MRTFA: variants seen among roughly 807,000 people sequenced by gnomAD.
MRTFA encodes the protein myocardin-related transcription factor A.
MRTFA carries 20 observed loss-of-function variants against 83.5 expected under a neutral mutation model. That is an observed-to-expected ratio of 0.24 (90% confidence interval 0.17 to 0.35). The LOEUF is 0.35. MRTFA is among the 10% of genes least tolerant of loss of function. The pLI is 1.00. For synonymous variants in MRTFA, 659 were observed against 541.2 expected (o/e 1.22, Z -3.02); for missense variants, 1,200 against 1,224.7 (o/e 0.98, Z 0.30).
At chr22:40,578,688 G>A (rs2055904354) in intron 2 of MRTFA, among the ~76,000 whole-genome samples, 1 of 152,150 alleles carries the variant, frequency 6.6e-6, no homozygotes. Flanking sequence ...TTGGGAGGCT[G>A]AGGCAAACGG....
intron 3 of MRTFA, among the ~76,000 whole-genome samples, chr22:40,488,732 C>G (rs1035753330): frequency 1.3e-5 from 2 of 152,114 alleles, no homozygotes; most frequent in Non-Finnish European, 2.9e-5. Context: ...ACTCAGGAAG[C>G]TGAGGCAGGA....
intron 3 of MRTFA, among the ~76,000 whole-genome samples, chr22:40,472,713 G>A (rs1435357860): frequency 6.6e-6 from 1 of 152,088 alleles, no homozygotes; most frequent in Non-Finnish European, 1.5e-5. Flanking sequence ...ACAGACCAGG[G>A]ATATCCACTG....
At chr22:40,482,220 G>C (rs2054103923) in intron 3 of MRTFA, among the ~76,000 whole-genome samples, 1 of 152,138 alleles carries the variant, frequency 6.6e-6, no homozygotes, top group Non-Finnish European at 1.5e-5. Context: ...GTAACAGGTA[G>C]AGCCAGAGTT....
chr22:40,460,264 A>C (rs1451664844), intron 4 of MRTFA, among the ~76,000 whole-genome samples: 2 of 152,176 alleles, frequency 1.3e-5, no homozygotes, highest in African/African-American at 4.8e-5. Context: ...AGAAATGCTA[A>C]GTAAGGAGAC....
chr22:40,574,766 T>A (rs1263576527), intron 2 of MRTFA, among the ~76,000 whole-genome samples: 1 of 152,134 alleles, frequency 6.6e-6, no homozygotes, highest in Non-Finnish European at 1.5e-5. Flanking sequence ...CTAGAGATGA[T>A]GTGAAGTATA....
chr22:40,447,236 G>A (rs561820624), intron 4 of MRTFA, among the ~76,000 whole-genome samples: 26 of 151,860 alleles, frequency 1.7e-4, no homozygotes, highest in African/African-American at 5.6e-4. Flanking sequence ...CCTGTAGTCC[G>A]ATCTATTTGG....
chr22:40,571,007 T>C lies in MRTFA; in HGVS notation c.-21-18640A>G, dbSNP rs538601755. On this transcript the variant is annotated intron_variant, in intron 2 of 14. Transcript: ENST00000355630. ...GAGTTTGAAACCAGCCTGGGCAACA[T>C]AGTGAATCCCTGTCTCTACAAAAAA... is the stretch of plus-strand genomic sequence containing the variant. Among the ~76,000 whole-genome samples the C allele has an allele frequency of 1.1e-3, 112 of 105,376 alleles. 1 individual carries two copies. Among genetic ancestry groups the C allele is most frequent in the Admixed American group, 7.3e-3 (51 of 6,946 alleles). The allele number at this position is 105,376 out of a possible 152,430, so 69.1% of individuals were successfully genotyped here.
In MRTFA at chr22:40,411,034, G is replaced by A. The variant is rs1427659749; in HGVS notation, c.*356C>T. 7.8e-6 allele frequency: 2 copies of A among 257,234 alleles called. No homozygotes were observed. The highest frequency in any genetic ancestry group is 2.2e-5 in the African/African-American group (1 of 46,184). 15.9% of individuals were successfully genotyped at this position (257,234 alleles called of 1,614,324 possible). On this transcript the variant is annotated 3_prime_UTR_variant, in exon 15 of 15. Transcript: ENST00000355630. The stretch of plus-strand genomic sequence containing the variant: ...AACCTGTCTCAGCCCTGGGTCAGAA[G>A]AGAAGCCTCCCGCCTGGCCAGGCTT...
chr22:40,570,027 G>A (rs1318438226), intron 2 of MRTFA: 5 of 152,592 alleles, frequency 3.3e-5, no homozygotes, highest in Non-Finnish European at 5.9e-5. Context: ...AGTGAGAGAG[G>A]CGGGGAAGAA....
At chr22:40,537,854 T>C (rs1381159017) in intron 3 of MRTFA, among the ~76,000 whole-genome samples, 3 of 11,398 alleles carry the variant, frequency 2.6e-4, no homozygotes, top group Non-Finnish European at 3.5e-4. Flanking sequence ...CCGCCCCGTC[T>C]GGGAGGTGAG....
intron 3 of MRTFA, chr22:40,526,527 A>G (rs1440384825): frequency 2.6e-5 from 4 of 152,252 alleles, no homozygotes; most frequent in Non-Finnish European, 5.9e-5. Context: ...AGCAGATAAA[A>G]TAAGAGTTAC....
At chr22:40,554,920 T>C (rs568146321) in intron 2 of MRTFA, among the ~76,000 whole-genome samples, 3 of 152,330 alleles carry the variant, frequency 2.0e-5, no homozygotes, top group East Asian at 3.9e-4. Flanking sequence ...ATGTGGGACA[T>C]GGAGTCAAGG....
chr22:40,619,731 T>C (rs1305765228), intron 1 of MRTFA, among the ~76,000 whole-genome samples: 1 of 150,890 alleles, frequency 6.6e-6, no homozygotes, highest in Non-Finnish European at 1.5e-5. Flanking sequence ...CTACTAAAAG[T>C]ACAAAAAAAT....
intron 3 of MRTFA, among the ~76,000 whole-genome samples, chr22:40,550,690 T>C (rs1245555399): frequency 6.6e-6 from 1 of 152,184 alleles, no homozygotes; most frequent in African/African-American, 2.4e-5. Context: ...CTTAAGAATA[T>C]ATTCACATGG....
chr22:40,624,922 C>T (rs1010733499), intron 1 of MRTFA, among the ~76,000 whole-genome samples: 1 of 152,156 alleles, frequency 6.6e-6, no homozygotes, highest in Non-Finnish European at 1.5e-5. Context: ...GTCATTCATG[C>T]TACAGAGTGT....
intron 3 of MRTFA, among the ~76,000 whole-genome samples, chr22:40,471,077 C>T (rs1241410112): frequency 2.0e-5 from 3 of 150,878 alleles, no homozygotes; most frequent in Non-Finnish European, 3.0e-5. Flanking sequence ...AAAATACATA[C>T]AAAAATCAGA....
At chr22:40,606,829 C>T (rs1309390680) in intron 1 of MRTFA, among the ~76,000 whole-genome samples, 2 of 152,148 alleles carry the variant, frequency 1.3e-5, no homozygotes, top group African/African-American at 4.8e-5. Context: ...GCCAAAGGAG[C>T]TCCTCTTTGA....
At chr22:40,442,109 A>T (rs1375249419) in intron 4 of MRTFA, among the ~76,000 whole-genome samples, 1 of 152,178 alleles carries the variant, frequency 6.6e-6, no homozygotes. Context: ...TAGGATTCAC[A>T]AGCAGTTCTA....
intron 2 of MRTFA, among the ~76,000 whole-genome samples, chr22:40,588,701 G>A (rs1472327776): frequency 1.3e-5 from 2 of 152,162 alleles, no homozygotes; most frequent in East Asian, 1.9e-4. Flanking sequence ...TATAGTCTGG[G>A]CCAGATGTAT....
Sources: allele counts gnomAD v4.1 joint callset (sites outside exome capture counted in the v4.1 genomes callset), GRCh38; gene constraint gnomAD v4.1.1; transcripts MANE v1.5; gene names NCBI Gene and HGNC (gene_info 2026-07-23, HGNC 2026-07-21).